The following AGBL1 variants were observed in gnomAD, a reference collection of about 807,000 sequenced individuals.
The protein encoded by AGBL1 is cytosolic carboxypeptidase 4.
In AGBL1, 130 loss-of-function variants were observed where a neutral mutation model predicts 118.9. The observed-to-expected ratio is 1.09, with a 90% CI of 0.95 to 1.26. The LOEUF (loss-of-function observed/expected upper bound fraction) is 1.26, where lower values mean the gene tolerates loss of function less well. AGBL1 is among the 50% of genes most tolerant of loss of function. AGBL1 has a pLI of 0.00. For missense variants in AGBL1, 1,584 were observed against 1,298.1 expected, an observed-to-expected ratio of 1.22 and a Z score of -3.38; for synonymous variants, 555 against 478.9, an observed-to-expected ratio of 1.16 and a Z score of -2.08.
intron 22 of AGBL1, among the ~76,000 whole-genome samples, chr15:86,707,609 G>T (rs2086475988): frequency 6.6e-6 from 1 of 152,064 alleles, no homozygotes; most frequent in African/African-American, 2.4e-5. Context: ...AAAATCGAAT[G>T]TGTAGAGTTT....
chr15:86,785,627 C>T (rs569662723), intron 22 of AGBL1, among the ~76,000 whole-genome samples: 76 of 152,176 alleles, frequency 5.0e-4, no homozygotes, highest in Non-Finnish European at 9.1e-4. Context: ...CTTGGCCCCC[C>T]GAAGTGCTGG....
intron 17 of AGBL1, among the ~76,000 whole-genome samples, chr15:86,346,866 A>G (rs879312391): frequency 6.6e-6 from 1 of 152,332 alleles, no homozygotes; most frequent in Non-Finnish European, 1.5e-5. Context: ...AATGTGCCAT[A>G]CAGCAAGACT....
intron 7 of AGBL1, among the ~76,000 whole-genome samples, chr15:86,249,853 C>T (rs905321550): frequency 6.6e-6 from 1 of 152,150 alleles, no homozygotes; most frequent in Non-Finnish European, 1.5e-5. Context: ...GAGAAAACAC[C>T]AAATGAAGCC....
chr15:86,842,971 T>A (rs982852139), intron 22 of AGBL1, among the ~76,000 whole-genome samples: 6 of 152,104 alleles, frequency 3.9e-5, no homozygotes, highest in African/African-American at 1.4e-4. Flanking sequence ...CTCCAGCCTA[T>A]GTAATTGCAC....
At chr15:86,334,548 G>A (rs975946500) in intron 17 of AGBL1, among the ~76,000 whole-genome samples, 1 of 152,104 alleles carries the variant, frequency 6.6e-6, no homozygotes, top group Non-Finnish European at 1.5e-5. Context: ...CATGGTCATG[G>A]ATTGGAAGAA....
chr15:86,424,153 A>C (rs1013181546), intron 18 of AGBL1, among the ~76,000 whole-genome samples: 4 of 152,200 alleles, frequency 2.6e-5, no homozygotes, highest in Non-Finnish European at 5.9e-5. Flanking sequence ...TACAGTAACC[A>C]AAACAGCATG....
At chr15:86,596,731 C>G (rs1398968275) in intron 21 of AGBL1, among the ~76,000 whole-genome samples, 1 of 152,164 alleles carries the variant, frequency 6.6e-6, no homozygotes, top group African/African-American at 2.4e-5. Flanking sequence ...TTCAGAGTTT[C>G]TAAATCCTAC....
At chr15:86,598,335 C>T (rs1433109879) in intron 21 of AGBL1, among the ~76,000 whole-genome samples, 2 of 152,106 alleles carry the variant, frequency 1.3e-5, no homozygotes, top group Non-Finnish European at 2.9e-5. Flanking sequence ...ACGTAAGATG[C>T]TTTGGACCCA....
intron 22 of AGBL1, among the ~76,000 whole-genome samples, chr15:86,687,142 G>T (rs750947174): frequency 8.5e-5 from 13 of 152,108 alleles, no homozygotes; most frequent in Non-Finnish European, 1.0e-4. Context: ...GCATTGAAAA[G>T]GCTATATATG....
At chr15:86,144,765 C>T (rs181750875) in intron 3 of AGBL1, among the ~76,000 whole-genome samples, 32 of 152,242 alleles carry the variant, frequency 2.1e-4, no homozygotes, top group Middle Eastern at 3.4e-3. Flanking sequence ...ACCCCCATGA[C>T]ACAAGTTTAC....
intron 5 of AGBL1, among the ~76,000 whole-genome samples, chr15:86,170,359 T>C (rs2077397061): frequency 6.6e-6 from 1 of 152,026 alleles, no homozygotes; most frequent in Admixed American, 6.6e-5. Context: ...TAGTGAACTA[T>C]GGGACAACTT....
At chr15:86,944,249 AG>A (rs1026990544) in intron 23 of AGBL1, among the ~76,000 whole-genome samples, 2 of 152,018 alleles carry the variant, frequency 1.3e-5, no homozygotes, top group Middle Eastern at 3.2e-3. Flanking sequence ...ACATGCCTGT[AG>A]TCCCAGCTAC....
At position 86,776,750 on chromosome 15, in the gene AGBL1, A is replaced by ATATGTGTG. The variant is rs1466910509; in HGVS notation, c.3158+102315_3158+102316insATGTGTGT. Among the ~76,000 whole-genome samples, 80 of 139,722 alleles carry ATATGTGTG rather than the reference A, an allele frequency of 5.7e-4. No individual in the cohort carries two copies. In the East Asian group the frequency reaches 8.3e-3, roughly 14 times the overall value. The allele number at this position is 139,722 out of a possible 152,430, so 91.7% of individuals were successfully genotyped here. A position where few individuals can be genotyped will look rare whatever the true frequency, so the allele number is the denominator to read the frequency against. Reference sequence around the variant, plus strand: ...CAATGGCTTAGAATTATATATATATATGTGTGTGTGTGTGTGTGTGTGTGT... The same window carrying ATATGTGTG: ...CAATGGCTTAGAATTATATATATATATATGTGTGTGTGTGTGTGTGTGTGTGTGTGTGT... On this transcript the variant is annotated intron_variant, in intron 22 of 22. Transcript: ENST00000614907.
At chr15:86,576,525 T>A (rs1333366527) in intron 21 of AGBL1, among the ~76,000 whole-genome samples, 2 of 152,224 alleles carry the variant, frequency 1.3e-5, no homozygotes, top group Non-Finnish European at 2.9e-5. Flanking sequence ...CCAGCCAAAG[T>A]GACTGACACA....
intron 5 of AGBL1, among the ~76,000 whole-genome samples, chr15:86,172,035 T>C (rs2077423420): frequency 6.6e-6 from 1 of 152,100 alleles, no homozygotes; most frequent in Admixed American, 6.5e-5. Context: ...TTTGGAGACT[T>C]GGGGAAAGGG....
intron 22 of AGBL1, among the ~76,000 whole-genome samples, chr15:86,698,974 T>C (rs918638395): frequency 2.0e-5 from 3 of 152,086 alleles, no homozygotes; most frequent in Admixed American, 1.3e-4. Context: ...AATATCAGTT[T>C]TTAAGACTTC....
intron 22 of AGBL1, among the ~76,000 whole-genome samples, chr15:86,825,677 A>G (rs1290894407): frequency 9.3e-5 from 12 of 128,668 alleles, no homozygotes; most frequent in Non-Finnish European, 1.7e-4. Flanking sequence ...GGGAGGGAGG[A>G]AGGAAGGGAG....
At chr15:86,897,713 A>G (rs1260745759) in intron 22 of AGBL1, among the ~76,000 whole-genome samples, 1 of 147,298 alleles carries the variant, frequency 6.8e-6, no homozygotes, top group Non-Finnish European at 1.5e-5. Flanking sequence ...ATAAATTTTA[A>G]TCACCTTTTT....
intron 17 of AGBL1, among the ~76,000 whole-genome samples, chr15:86,341,134 C>G (rs1226483858): frequency 1.3e-5 from 2 of 152,210 alleles, no homozygotes; most frequent in Non-Finnish European, 2.9e-5. Context: ...TTCTGACACA[C>G]CTGTGTGCTG....
Sources: gnomAD v4.1 joint callset for allele counts (sites outside exome capture counted in the v4.1 genomes callset) on GRCh38, gnomAD v4.1.1 for gene constraint, MANE v1.5 for transcripts, NCBI Gene and HGNC (gene_info 2026-07-23, HGNC 2026-07-21) for gene names.